Variants in RP1 observed in about 807,000 individuals in gnomAD.
The protein encoded by RP1 is RP1 axonemal microtubule associated.
RP1 carries 16 observed loss-of-function variants against 14.8 expected under a neutral mutation model. The observed-to-expected ratio is 1.08, with a 90% CI of 0.73 to 1.65. The LOEUF is 1.65. Ranked by LOEUF, RP1 falls within the 40% of genes most tolerant of loss-of-function variation. RP1 has a pLI of 0.00. For synonymous variants in RP1, 876 were observed against 883.6 expected, an observed-to-expected ratio of 0.99 and a Z score of 0.15; for missense variants, 2,631 against 2,535.0, an observed-to-expected ratio of 1.04 and a Z score of -0.81.
At chr8:54,698,327 C>A (rs1268638327) in intron 12 of RP1, among the ~76,000 whole-genome samples, 1 of 152,178 alleles carries the variant, frequency 6.6e-6, no homozygotes, top group Non-Finnish European at 1.5e-5. Context: ...CAAATCAAAA[C>A]CACAATGAGA....
downstream of RP1, among the ~76,000 whole-genome samples, chr8:54,772,863 T>A (rs1318708205): frequency 6.6e-6 from 1 of 152,232 alleles, no homozygotes; most frequent in Admixed American, 6.5e-5. Context: ...TTTTAACCTA[T>A]TAAGCTAGAT....
chr8:54,784,507 T>A (rs1810270658), intron 24 of RP1, among the ~76,000 whole-genome samples: 1 of 152,184 alleles, frequency 6.6e-6, no homozygotes, highest in Admixed American at 6.6e-5. Context: ...CTATTATAAA[T>A]AATGCTGCAA....
chr8:54,817,834 T>G (rs1006969397), intron 24 of RP1, among the ~76,000 whole-genome samples: 1 of 152,222 alleles, frequency 6.6e-6, no homozygotes, highest in African/African-American at 2.4e-5. Context: ...GTACTCTTCA[T>G]TTTAATTTAT....
At chr8:54,717,020 T>C (rs951432844) in intron 15 of RP1, among the ~76,000 whole-genome samples, 4 of 152,126 alleles carry the variant, frequency 2.6e-5, no homozygotes, top group African/African-American at 9.7e-5. Flanking sequence ...GGCCCCTCCT[T>C]TCAGAATCGG....
chr8:54,837,582 G>A (rs1811690748), exon 25 of RP1: 1 of 1,231,998 alleles, frequency 8.1e-7, no homozygotes. Flanking sequence ...TTGTTTACCT[G>A]TTGATTCCTG....
intron 19 of RP1, among the ~76,000 whole-genome samples, chr8:54,750,880 G>A (rs1809349662): frequency 6.6e-6 from 1 of 152,188 alleles, no homozygotes; most frequent in Non-Finnish European, 1.5e-5. Flanking sequence ...TTGAAAAAGG[G>A]CATTCTGATA....
intron 3 of RP1, among the ~76,000 whole-genome samples, chr8:54,623,720 G>C (rs1378369532): frequency 6.6e-6 from 1 of 152,214 alleles, no homozygotes; most frequent in Non-Finnish European, 1.5e-5. Context: ...CCTATATTAA[G>C]TCAGCTGCAA....
At chr8:54,651,206 T>C (rs1002369727) in intron 4 of RP1, among the ~76,000 whole-genome samples, 1 of 152,214 alleles carries the variant, frequency 6.6e-6, no homozygotes, top group Non-Finnish European at 1.5e-5. Flanking sequence ...GCTAGTTTTG[T>C]TGAAGATGTT....
intron 24 of RP1, among the ~76,000 whole-genome samples, chr8:54,827,387 T>C (rs1297969868): frequency 2.0e-5 from 3 of 151,764 alleles, no homozygotes; most frequent in Non-Finnish European, 2.9e-5. Context: ...AGTGCAGTGG[T>C]ACAATCGTGA....
chr8:54,816,894 C>A (rs1009918845), intron 24 of RP1, among the ~76,000 whole-genome samples: 5 of 152,118 alleles, frequency 3.3e-5, no homozygotes, highest in African/African-American at 1.2e-4. Flanking sequence ...AACTCATTTC[C>A]ACTGTAGGTC....
rs1585742281 is a variant in RP1, at chr8:54,846,084, T to C, written c.3836-6490T>C. Among the ~76,000 whole-genome samples the C allele has an allele frequency of 2.6e-5, 4 of 152,094 alleles. No individual in the cohort carries two copies. In the East Asian group the frequency reaches 7.7e-4, roughly 29 times the overall value. On this transcript the variant is annotated intron_variant, in intron 25 of 28. Coordinates refer to the RP1 transcript ENST00000637698. ...GCAGTTTTCACTTTACCTTGTGTAA[T>C]CAGAAATGGGCCACCAAGGGAAAGA...
intron 1 of RP1, among the ~76,000 whole-genome samples, chr8:54,590,315 G>A (rs898976246): frequency 1.3e-5 from 2 of 151,930 alleles, no homozygotes; most frequent in African/African-American, 2.4e-5. Flanking sequence ...GCAAAGAGCC[G>A]CCCACCTCTC....
downstream of RP1, among the ~76,000 whole-genome samples, chr8:54,633,737 C>CTCTCTCTCTCTA (rs1236298691): frequency 1.4e-3 from 161 of 118,780 alleles, no homozygotes; most frequent in African/African-American, 4.8e-3. Context: ...CTCTCTCTCT[C>CTCTCTCTCTCTA]TATATATATA....
chr8:54,774,132 C>T (rs1477051690), downstream of RP1, among the ~76,000 whole-genome samples: 4 of 152,134 alleles, frequency 2.6e-5, no homozygotes, highest in South Asian at 2.1e-4. Context: ...CCTTTTACTC[C>T]GATCATTCAG....
chr8:54,618,716 T>G (rs1805784181), intron 1 of RP1, among the ~76,000 whole-genome samples: 1 of 152,138 alleles, frequency 6.6e-6, no homozygotes, highest in Non-Finnish European at 1.5e-5. Flanking sequence ...GGTGCAGTGG[T>G]GCGATCTCAG....
At chr8:54,603,523 T>C (rs570600972) in intron 1 of RP1, among the ~76,000 whole-genome samples, 1 of 152,274 alleles carries the variant, frequency 6.6e-6, no homozygotes, top group East Asian at 1.9e-4. Context: ...CAATGAGGGC[T>C]CTTTTTTGGT....
Position 54,630,040 on chromosome 8 carries a change from A to T in RP1, c.6158A>T (p.Asp2053Val). Residue 2053 changes from aspartate (D) to valine (V), a missense_variant, in exon 4 of 4, where the codon GAC becomes GTC. Physicochemically the swap from Asp to Val is radical, Grantham distance 152. Coordinates refer to ENST00000220676, the MANE Select transcript of RP1 (RefSeq NM_006269.2). The part of the protein sequence containing the change: ...VVGNVDSNTQ[D>V]LSGQTNEIFK... Reference sequence around the variant, plus strand: ...GGTAATGTGGATTCAAATACACAAGACCTCAGCGGTCAGACAAATGAAATC... The same window carrying T: ...GGTAATGTGGATTCAAATACACAAGTCCTCAGCGGTCAGACAAATGAAATC... 6.2e-7 allele frequency: 1 copy of T among 1,614,042 alleles called. No homozygotes were observed.
chr8:54,574,709 G>T (rs1367716781), intron 1 of RP1, among the ~76,000 whole-genome samples: 1 of 63,650 alleles, frequency 1.6e-5, no homozygotes, highest in African/African-American at 4.4e-5. Context: ...TATCTATGTT[G>T]TTGGATTAAA....
At chr8:54,809,148 T>G (rs1810929173) in intron 24 of RP1, among the ~76,000 whole-genome samples, 1 of 152,238 alleles carries the variant, frequency 6.6e-6, no homozygotes, top group Non-Finnish European at 1.5e-5. Context: ...CTTCCTTCAC[T>G]GCCTTTACCT....
Sources: allele counts gnomAD v4.1 joint callset (sites outside exome capture counted in the v4.1 genomes callset), GRCh38; gene constraint gnomAD v4.1.1; transcripts MANE v1.5; gene names NCBI Gene and HGNC (gene_info 2026-07-23, HGNC 2026-07-21).